The following TULP4 variants were observed in gnomAD, a reference collection of about 807,000 sequenced individuals.
TULP4 encodes tubby-related protein 4.
TULP4 carries 16 observed loss-of-function variants against 129.0 expected under a neutral mutation model. The observed-to-expected ratio is 0.12, with a 90% CI of 0.08 to 0.19. The LOEUF (loss-of-function observed/expected upper bound fraction) is 0.19, where lower values mean the gene tolerates loss of function less well. Ranked by LOEUF, TULP4 falls within the 10% of genes least tolerant of loss-of-function variation. The probability of loss-of-function intolerance (pLI) is 1.00; values close to 1 mark genes in which losing one functional copy is unlikely to be tolerated. For missense variants in TULP4, 1,842 were observed against 2,059.1 expected (o/e 0.89, Z 2.04); for synonymous variants, 998 against 854.0 (o/e 1.17, Z -2.94).
At chr6:158,349,061 G>GGTA (rs1780405032) in intron 1 of TULP4, among the ~76,000 whole-genome samples, 1 of 62,460 alleles carries the variant, frequency 1.6e-5, no homozygotes, top group African/African-American at 5.8e-5. Flanking sequence ...TCCCAGACGG[G>GGTA]GCGGCCAGGC....
rs138416301 is a variant in TULP4 at position 158,462,307 on chromosome 6, A to T, written c.1026+578A>T. On this transcript the variant is annotated intron_variant, in intron 6 of 13. Transcript: ENST00000367097. ...TTTCTTTTTTTTTTAAGTCTCCAGAAGTCCAGTCATCCTTCTCTTCTTGGT... is the reference window on the plus strand; with the variant it reads ...TTTCTTTTTTTTTTAAGTCTCCAGATGTCCAGTCATCCTTCTCTTCTTGGT... Among the ~76,000 whole-genome samples, 196 of 152,162 alleles carry T rather than the reference A, an allele frequency of 1.3e-3. 1 individual carries two copies. The East Asian group carries it at 0.015, about 11-fold the overall frequency.
chr6:158,363,640 C>T (rs1349094219), intron 1 of TULP4, among the ~76,000 whole-genome samples: 5 of 152,146 alleles, frequency 3.3e-5, no homozygotes, highest in Non-Finnish European at 7.4e-5. Flanking sequence ...CGCATCACTA[C>T]GCCGGGCTAT....
chr6:158,288,791 C>T (rs954941640), intron 1 of TULP4, among the ~76,000 whole-genome samples: 1 of 152,164 alleles, frequency 6.6e-6, no homozygotes, highest in Non-Finnish European at 1.5e-5. Flanking sequence ...TGAGCCACCG[C>T]GCCCAGCCAT....
intron 1 of TULP4, among the ~76,000 whole-genome samples, chr6:158,266,695 G>T (rs1778452767): frequency 6.6e-6 from 1 of 152,202 alleles, no homozygotes; most frequent in Non-Finnish European, 1.5e-5. Context: ...GTTGTATTAG[G>T]TAATATAAAT....
In TULP4 at chr6:158,413,589, T is replaced by A. The variant is rs545885371; in HGVS notation, c.381+396T>A. 9.2e-5 allele frequency among the ~76,000 whole-genome samples: 14 copies of A among 152,372 alleles called. No individual in the cohort carries two copies. In the East Asian group the frequency reaches 1.7e-3, roughly 19 times the overall value. ...GGTCTCATGGAGAGCTTCACGTGACTTCTCACAACCTGCTCAACAAGGAAA... is the reference window on the plus strand; with the variant it reads ...GGTCTCATGGAGAGCTTCACGTGACATCTCACAACCTGCTCAACAAGGAAA... On this transcript the variant is annotated intron_variant, in intron 2 of 13. Transcript: ENST00000367097. This position sits in a 1 kb window ranked among gnomAD's most constrained non-coding sequence, Gnocchi z 4.9.
chr6:158,333,519 C>T (rs4434494), intron 1 of TULP4, among the ~76,000 whole-genome samples: 130,345 of 152,232 alleles, frequency 0.86, 56,338 homozygotes, highest in South Asian at 0.93. Flanking sequence ...CACAAGCAGG[C>T]TAATACAGAA....
intron 1 of TULP4, among the ~76,000 whole-genome samples, chr6:158,400,595 G>T (rs1777820296): frequency 1.3e-5 from 2 of 152,156 alleles, no homozygotes; most frequent in Non-Finnish European, 2.9e-5. Context: ...GGCTGGTGAA[G>T]AATCCATTCT....
At chr6:158,417,997 A>G (rs554415838) in intron 2 of TULP4, among the ~76,000 whole-genome samples, 10 of 152,158 alleles carry the variant, frequency 6.6e-5, no homozygotes, top group Non-Finnish European at 1.2e-4. Context: ...CTCAGCTTCA[A>G]TTAATCCATG....
intron 3 of TULP4, among the ~76,000 whole-genome samples, chr6:158,439,541 G>T (rs886187497): frequency 6.6e-6 from 1 of 151,978 alleles, no homozygotes; most frequent in African/African-American, 2.4e-5. Flanking sequence ...CCTTCCAGGA[G>T]CCTGCTGGTT....
upstream of TULP4, among the ~76,000 whole-genome samples, chr6:158,308,991 C>T (rs1368468308): frequency 6.8e-6 from 1 of 147,096 alleles, no homozygotes; most frequent in African/African-American, 2.5e-5. Context: ...GGCTGACCCC[C>T]CCACCTCCCT....
upstream of TULP4, among the ~76,000 whole-genome samples, chr6:158,277,895 T>C (rs1778675175): frequency 6.6e-6 from 1 of 152,182 alleles, no homozygotes; most frequent in African/African-American, 2.4e-5. Context: ...TTCTGGGCCA[T>C]CTCAAGCTTG....
At chr6:158,462,467 G>T (rs1174899053) in intron 6 of TULP4, among the ~76,000 whole-genome samples, 1 of 150,214 alleles carries the variant, frequency 6.7e-6, no homozygotes, top group African/African-American at 2.5e-5. Flanking sequence ...TCTGCCTCCC[G>T]GGTTCACACC....
At chr6:158,327,033 A>G (rs1324411547) in intron 1 of TULP4, among the ~76,000 whole-genome samples, 8 of 152,202 alleles carry the variant, frequency 5.3e-5, no homozygotes, top group Non-Finnish European at 1.0e-4. Flanking sequence ...CAGTCCTGCA[A>G]CCATCCCCCT....
chr6:158,453,345 G>A (rs568835964), intron 5 of TULP4, among the ~76,000 whole-genome samples: 3 of 151,572 alleles, frequency 2.0e-5, no homozygotes, highest in Non-Finnish European at 4.4e-5. Flanking sequence ...TTAGCCGGGC[G>A]TGGTGGCGGG....
At chr6:158,337,669 G>A (rs1780078284) in intron 1 of TULP4, among the ~76,000 whole-genome samples, 1 of 152,168 alleles carries the variant, frequency 6.6e-6, no homozygotes, top group Admixed American at 6.5e-5. Flanking sequence ...CCCACAGTGT[G>A]CAAACAAATA....
intron 1 of TULP4, among the ~76,000 whole-genome samples, chr6:158,350,371 C>T (rs998854814): frequency 5.9e-5 from 9 of 152,016 alleles, no homozygotes; most frequent in African/African-American, 1.7e-4. Flanking sequence ...GAGGCCAAGG[C>T]AGGCGGCTGG....
chr6:158,297,451 C>A (rs891212631), intron 1 of TULP4, among the ~76,000 whole-genome samples: 2 of 152,032 alleles, frequency 1.3e-5, no homozygotes, highest in Non-Finnish European at 2.9e-5. Context: ...TGATGTACAT[C>A]CTCAGCTTAC....
At chr6:158,466,480 G>T (rs1779557047) in intron 6 of TULP4, among the ~76,000 whole-genome samples, 1 of 152,040 alleles carries the variant, frequency 6.6e-6, no homozygotes, top group Non-Finnish European at 1.5e-5. Context: ...TAGTGATGTT[G>T]TCGTGTATCT....
intron 1 of TULP4, among the ~76,000 whole-genome samples, chr6:158,246,567 T>TATC (rs1433007598): frequency 6.6e-6 from 1 of 152,178 alleles, no homozygotes; most frequent in Non-Finnish European, 1.5e-5. Context: ...CTGCAAACTC[T>TATC]GATAAATAAA....
Sources: allele counts gnomAD v4.1 joint callset (sites outside exome capture counted in the v4.1 genomes callset), GRCh38; gene constraint gnomAD v4.1.1; non-coding constraint Gnocchi (gnomAD v3.1); transcripts MANE v1.5; gene names NCBI Gene and HGNC (gene_info 2026-07-23, HGNC 2026-07-21).